CLN6: variants seen among roughly 807,000 people sequenced by gnomAD.
The protein encoded by CLN6 is CLN6 transmembrane ER protein, also known as ceroid-lipofuscinosis neuronal protein 6.
CLN6 carries 22 observed loss-of-function variants against 33.3 expected under a neutral mutation model. That is an observed-to-expected ratio of 0.66 (90% CI 0.47 to 0.94). The LOEUF (loss-of-function observed/expected upper bound fraction) is 0.94. Among genes scored for constraint, CLN6 ranks in the 40% least tolerant of loss-of-function variants. The pLI, the probability that CLN6 is intolerant of heterozygous loss-of-function variation, is 0.00. For synonymous variants in CLN6, 201 were observed against 174.6 expected (o/e 1.15, Z -1.19); for missense variants, 387 against 417.1 (o/e 0.93, Z 0.63).
chr15:68,218,227 T>C (rs2093225913), intron 2 of CLN6: 1 of 341,032 alleles, frequency 2.9e-6, no homozygotes, highest in Non-Finnish European at 5.8e-6. Flanking sequence ...CTTGGTGATT[T>C]GGTTCAACCT....
chr15:68,214,243 G>T, intron 3 of CLN6, 47 bp downstream of exon 3: 1 of 1,394,912 alleles, frequency 7.2e-7, no homozygotes, highest in Non-Finnish European at 1.0e-6. Context: ...TGCCAGGTGT[G>T]CAAAGAATGG....
chr15:68,254,763 C>A, intron 1 of CLN6: 1 of 792,240 alleles, frequency 1.3e-6, no homozygotes, highest in South Asian at 1.3e-5. Flanking sequence ...CCTAAAAAGG[C>A]CCCTGCAAAG....
At chr15:68,221,770 G>A (rs537788671) in intron 1 of CLN6, among the ~76,000 whole-genome samples, 10 of 143,854 alleles carry the variant, frequency 7.0e-5, no homozygotes, top group Admixed American at 1.4e-4. Flanking sequence ...GCTGCCCATC[G>A]TCTGGGATGT....
In CLN6 at chr15:68,208,392, G is replaced by T. The variant is rs1209133488; in HGVS notation, c.684C>A (p.Gly228=). ...TGAAGATGAAGAGGATGAAGATCTG[G>T]CCCTCGGTGACCAGGTACCTGGAAA... ...GLYYWYLVTE[G]QIFILFIFTF... is the part of the protein sequence containing the mutation. The change falls in exon 7 of 7, where the codon GGC becomes GGA. Residue 228 remains glycine, a synonymous_variant. Coordinates refer to ENST00000249806, the MANE Select transcript of CLN6 (RefSeq NM_017882.3). This position sits in a 1 kb window ranked among gnomAD's most constrained non-coding sequence, Gnocchi z 5.8. 6.2e-7 allele frequency: 1 copy of T among 1,613,084 alleles called. No individual in the cohort carries two copies. Among genetic ancestry groups the T allele is most frequent in the Admixed American group, 1.7e-5 (1 of 60,028 alleles).
chr15:68,251,967 C>CTTTTTT (rs35907860), intron 1 of CLN6, among the ~76,000 whole-genome samples: 7 of 71,862 alleles, frequency 9.7e-5, no homozygotes, highest in East Asian at 3.7e-4. Flanking sequence ...ATGTGTGAAT[C>CTTTTTT]TTTTTTTTTT....
At position 68,209,586 on chromosome 15, in the gene CLN6, C is replaced by T. The variant is rs754840008; in HGVS notation, c.665+51G>A. 24 of 1,606,940 alleles carry T rather than the reference C, an allele frequency of 1.5e-5. No individual in the cohort carries two copies. Among genetic ancestry groups the T allele is most frequent in the Middle Eastern group, 2.2e-4 (1 of 4,542 alleles). ...ATTGGCAAGTGCAGAATTTTGCTGC[C>T]GTGGCTCTCTCAGTGCCCCTGCCTC... On this transcript the variant is annotated intron_variant, in intron 6 of 6. Coordinates refer to ENST00000249806, the MANE Select transcript of CLN6 (RefSeq NM_017882.3). The surrounding 1 kb of genome is among the most constrained non-coding windows in gnomAD (Gnocchi z 4.9).
chr15:68,209,020 C>G lies in CLN6; in HGVS notation c.666-610G>C, dbSNP rs2093196611. Among the ~76,000 whole-genome samples the G allele has an allele frequency of 6.6e-6, 1 of 152,194 alleles. No homozygotes were observed. The highest frequency in any genetic ancestry group is 2.4e-5 in the African/African-American group (1 of 41,456). ...CCGACCCTGTCCTTCCCATGATACC[C>G]ACAATCCCAGGGTGACCTGTCTCCA... On this transcript the variant is annotated intron_variant, in intron 6 of 6. Coordinates refer to ENST00000249806, the MANE Select transcript of CLN6 (RefSeq NM_017882.3). This position sits in a 1 kb window ranked among gnomAD's most constrained non-coding sequence, Gnocchi z 4.9.
chr15:68,211,463 T>A lies in CLN6; in HGVS notation c.487-145A>T. On this transcript the variant is annotated intron_variant, in intron 4 of 6. Coordinates refer to ENST00000249806, the MANE Select transcript of CLN6 (RefSeq NM_017882.3). The surrounding 1 kb of genome is among the most constrained non-coding windows in gnomAD (Gnocchi z 5.9). ...TTATTCCCTACCCGGGGCCTCGCCT[T>A]CTGTTACAGGGGCCCAGGTGGGAGG... 8 of 1,534,124 alleles carry A rather than the reference T, an allele frequency of 5.2e-6. No homozygotes were observed. Among genetic ancestry groups the A allele is most frequent in the Non-Finnish European group, 6.2e-6 (7 of 1,123,152 alleles).
rs796433405 is a variant in CLN6, at chr15:68,242,518, AAAT to A, written c.179+14169_179+14171del. On this transcript the variant is annotated intron_variant, in intron 1 of 6. Transcript: ENST00000538696. The surrounding 1 kb of genome is among the most constrained non-coding windows in gnomAD (Gnocchi z 5.0). ...CAAGGGGTACAGAACTTACTTAAAT[AAAT>A]AATAAGGAGACTCCATCTCAAAATA... Among the ~76,000 whole-genome samples, 6 of 152,236 alleles carry A rather than the reference AAAT, an allele frequency of 3.9e-5. No individual in the cohort carries two copies. The highest frequency in any genetic ancestry group is 1.4e-4 in the African/African-American group (6 of 41,574).
chr15:68,237,429 A>C (rs1157654993), intron 1 of CLN6, among the ~76,000 whole-genome samples: 1 of 152,208 alleles, frequency 6.6e-6, no homozygotes, highest in Non-Finnish European at 1.5e-5. Context: ...TCGGGGCTGC[A>C]GTGAGCCATG....
At chr15:68,229,372 G>A (rs1272633440) in intron 1 of CLN6, 130 bp downstream of exon 1, 2 of 624,720 alleles carry the variant, frequency 3.2e-6, no homozygotes, top group East Asian at 3.8e-5. Flanking sequence ...AGCCCCCCGC[G>A]CTCCGCTCCG....
At position 68,211,764 on chromosome 15, in the gene CLN6, C is replaced by CA. The variant is rs2141139300; in HGVS notation, c.396dup (p.Val133CysfsTer18). ...CCACTGAAGAGCAGGCGGTGGTTGA[C>CA]AGAGTCACCCACCAGGTGGATGCTG... On this transcript the variant is annotated frameshift_variant, in exon 4 of 7. Coordinates refer to ENST00000249806, the MANE Select transcript of CLN6 (RefSeq NM_017882.3). LOFTEE classifies it high-confidence loss of function. The surrounding 1 kb of genome is among the most constrained non-coding windows in gnomAD (Gnocchi z 5.9). The CA allele has an allele frequency of 6.2e-7, 1 of 1,614,014 alleles. No individual in the cohort carries two copies. Among genetic ancestry groups the CA allele is most frequent in the East Asian group, 2.2e-5 (1 of 44,866 alleles).
In CLN6 at chr15:68,209,363, G is replaced by A. The variant is rs1322653261; in HGVS notation, c.665+274C>T. Among the ~76,000 whole-genome samples, 2 of 152,144 alleles carry A rather than the reference G, an allele frequency of 1.3e-5. No homozygotes were observed. The highest frequency in any genetic ancestry group is 2.4e-5 in the African/African-American group (1 of 41,436). ...GGCAACACTGGGGTTCTTGAGATGG[G>A]GCACAGAGCGAGAGGGGCTTGAGGA... is the stretch of plus-strand genomic sequence containing the variant. On this transcript the variant is annotated intron_variant, in intron 6 of 6. Transcript: ENST00000249806. This position sits in a 1 kb window ranked among gnomAD's most constrained non-coding sequence, Gnocchi z 4.9.
At chr15:68,253,430 C>T (rs986366419) in intron 1 of CLN6, among the ~76,000 whole-genome samples, 4 of 152,132 alleles carry the variant, frequency 2.6e-5, no homozygotes, top group African/African-American at 9.7e-5. Context: ...TCCAATATTT[C>T]CCAAGGCATT....
Position 68,208,094 on chromosome 15 carries a change from G to GGGGCCCCCCCCCCCCCCC in CLN6, c.*45_*46insGGGGGGGGGGGGGGGCCC. 7.3e-7 allele frequency: 1 copy of GGGGCCCCCCCCCCCCCCC among 1,375,276 alleles called. No homozygotes were observed. The highest frequency in any genetic ancestry group is 1.0e-6 in the Non-Finnish European group (1 of 992,022). The allele number at this position is 1,375,276 out of a possible 1,614,324, so 85.2% of individuals were successfully genotyped here. ...CTCCTGTATTCAGATGCCCTCCATG[G>GGGGCCCCCCCCCCCCCCC]CCCACCCTCCCACCCAGCAGAGCGC... On this transcript the variant is annotated 3_prime_UTR_variant, in exon 7 of 7. Transcript: ENST00000249806. This position sits in a 1 kb window ranked among gnomAD's most constrained non-coding sequence, Gnocchi z 5.8.
chr15:68,235,958 A>G (rs1455402556), intron 1 of CLN6, among the ~76,000 whole-genome samples: 1 of 152,250 alleles, frequency 6.6e-6, no homozygotes, highest in Non-Finnish European at 1.5e-5. Flanking sequence ...ATGAGAACAG[A>G]TGACAAAAAA....
chr15:68,233,196 A>G (rs1407685059), upstream of CLN6, among the ~76,000 whole-genome samples: 1 of 148,922 alleles, frequency 6.7e-6, no homozygotes, highest in Non-Finnish European at 1.5e-5. This position sits in a 1 kb window ranked among gnomAD's most constrained non-coding sequence, Gnocchi z 4.3. Context: ...CAGCCACCAC[A>G]CTCCCCAATA....
chr15:68,214,251 TG>T, intron 3 of CLN6, 38 bp downstream of exon 3: 1 of 1,453,202 alleles, frequency 6.9e-7, no homozygotes, highest in Non-Finnish European at 9.7e-7. Context: ...GTGCAAAGAA[TG>T]GGGATGACAG....
intron 1 of CLN6, among the ~76,000 whole-genome samples, chr15:68,224,265 C>CAA (rs34196710): frequency 0.039 from 1,812 of 46,518 alleles, 429 homozygotes; most frequent in African/African-American, 0.07. Context: ...GACCTTATTG[C>CAA]AAAAAAAAAA....
Sources: gnomAD v4.1 joint callset for allele counts (sites outside exome capture counted in the v4.1 genomes callset) on GRCh38, gnomAD v4.1.1 for gene constraint, Gnocchi (gnomAD v3.1) non-coding constraint, MANE v1.5 for transcripts, NCBI Gene and HGNC (gene_info 2026-07-23, HGNC 2026-07-21) for gene names.